Variants in VPS9D1 observed in about 807,000 individuals in gnomAD.
The protein encoded by VPS9D1 is VPS9 domain containing 1.
VPS9D1 carries 78 observed loss-of-function variants against 75.8 expected under a neutral mutation model. The ratio of observed to expected loss-of-function variants is 1.03; its 90% CI spans 0.86 to 1.24. The LOEUF (loss-of-function observed/expected upper bound fraction) is 1.24, where lower values mean the gene tolerates loss of function less well. Among genes scored for constraint, VPS9D1 ranks in the 50% most tolerant of loss-of-function variants. The pLI is 0.00. For synonymous variants in VPS9D1, 481 were observed against 385.6 expected (o/e 1.25, Z -2.90); for missense variants, 1,057 against 847.7 (o/e 1.25, Z -3.07).
chr16:89,709,037 A>G (rs1242304268), intron 12 of VPS9D1, 81 bp from the exon 13 acceptor site: 2 of 461,936 alleles, frequency 4.3e-6, no homozygotes, highest in African/African-American at 5.9e-5. Flanking sequence ...CCACCCACCC[A>G]CCTCCTGATG....
chr16:89,717,631 C>T (rs751531573), intron 2 of VPS9D1: 30 of 456,396 alleles, frequency 6.6e-5, no homozygotes, highest in Non-Finnish European at 1.0e-4. Context: ...ATTTAGCCCC[C>T]GACTCCCCCC....
chr16:89,709,780 T>C lies in VPS9D1; in HGVS notation c.1385A>G (p.Tyr462Cys). Reference sequence around the variant, plus strand: ...GGTTGTACAGCTGGGTCCATACCTGTACAGGGCCAGCAGCAGAGGCCACAG... The same window carrying C: ...GGTTGTACAGCTGGGTCCATACCTGCACAGGGCCAGCAGCAGAGGCCACAG... ...SPLWPLLLAL[Y>C]RSVHRAREAA... The change falls in exon 11 of 15, where the codon TAC becomes TGC. Residue 462 changes from tyrosine to cysteine, a missense_variant. Coordinates refer to ENST00000389386, the MANE Select transcript of VPS9D1 (RefSeq NM_004913.3). 2 of 1,613,576 alleles carry C rather than the reference T, an allele frequency of 1.2e-6. No individual in the cohort carries two copies. Among genetic ancestry groups the C allele is most frequent in the South Asian group, 1.1e-5 (1 of 91,088 alleles).
chr16:89,715,145 T>C (rs568453476), intron 4 of VPS9D1, among the ~76,000 whole-genome samples: 16 of 152,234 alleles, frequency 1.1e-4, no homozygotes, highest in Non-Finnish European at 2.1e-4. Flanking sequence ...GCTCTGCTGT[T>C]ATAAACTTGT....
At chr16:89,719,677 A>T (rs2061192094) in intron 1 of VPS9D1, among the ~76,000 whole-genome samples, 1 of 152,056 alleles carries the variant, frequency 6.6e-6, no homozygotes, top group South Asian at 2.1e-4. Flanking sequence ...AGGCTGTGTG[A>T]CCCCTCTGAC....
rs145163270 is a variant in VPS9D1, at chr16:89,713,554, G to A, written c.432-838C>T. ...CAGGCGTGAGCTACCGCGCCCGGCC[G>A]GACTTTTGGTTTTTCAAGAGAAGCT... is the stretch of plus-strand genomic sequence containing the variant. On this transcript the variant is annotated intron_variant, in intron 4 of 14. Transcript: ENST00000389386. Among the ~76,000 whole-genome samples the A allele has an allele frequency of 2.2e-3, 336 of 151,898 alleles. 1 individual carries two copies. The highest frequency in any genetic ancestry group is 7.4e-3 in the African/African-American group (308 of 41,482).
intron 9 of VPS9D1, 27 bp downstream of exon 9, chr16:89,711,300 C>G: frequency 6.3e-7 from 1 of 1,588,848 alleles, no homozygotes; most frequent in Non-Finnish European, 8.6e-7. Context: ...TGCGCAGGGG[C>G]TCTGTGGGGC....
rs1184121111 is a variant in VPS9D1, at chr16:89,707,566, G to A, written c.*295C>T. 2 of 345,164 alleles carry A rather than the reference G, an allele frequency of 5.8e-6. No homozygotes were observed. Among genetic ancestry groups the A allele is most frequent in the Non-Finnish European group, 1.1e-5 (2 of 186,344 alleles). 21.4% of individuals were successfully genotyped at this position (345,164 alleles called of 1,614,324 possible). On this transcript the variant is annotated 3_prime_UTR_variant, in exon 15 of 15. Coordinates refer to ENST00000389386, the MANE Select transcript of VPS9D1 (RefSeq NM_004913.3). ...GAGCCTGCACCCACCGAAGCCCAAAGCTTCCCTTCTTGGCCTCTCTGAGGC... is the reference window on the plus strand; with the variant it reads ...GAGCCTGCACCCACCGAAGCCCAAAACTTCCCTTCTTGGCCTCTCTGAGGC...
Position 89,719,108 on chromosome 16 carries a change from T to A in VPS9D1, c.100-6A>T, listed in dbSNP as rs757898829. On this transcript the variant is annotated splice_region_variant and splice_polypyrimidine_tract_variant and intron_variant, in intron 1 of 14. Coordinates refer to ENST00000389386, the MANE Select transcript of VPS9D1 (RefSeq NM_004913.3). ...AGGTATTCCGTGTATGCCTCCTGTG[T>A]CCAGGAAAGAGAAAGAGTGGGGTCA... The A allele has an allele frequency of 1.2e-6, 2 of 1,613,314 alleles. No homozygotes were observed. Among genetic ancestry groups the A allele is most frequent in the Non-Finnish European group, 8.5e-7 (1 of 1,179,664 alleles).
chr16:89,717,503 C>T (rs1022586811), intron 2 of VPS9D1: 2 of 453,152 alleles, frequency 4.4e-6, no homozygotes, highest in Non-Finnish European at 8.9e-6. Flanking sequence ...TTCTGCGCGC[C>T]GTGGGAGCTG....
chr16:89,710,800 G>C lies in VPS9D1; in HGVS notation c.1044C>G (p.Asp348Glu), dbSNP rs762893993. The change falls in exon 10 of 15, where the codon GAC (aspartate) becomes GAG (glutamate). Residue 348 changes from aspartate (D) to glutamate (E), a missense_variant. By Grantham distance (45) the Asp-to-Glu change is conservative. Coordinates refer to ENST00000389386, the MANE Select transcript of VPS9D1 (RefSeq NM_004913.3). ...GTTGGAGTGGGGGCGTGGGGGGACT[G>C]TCCTGGGGCCGCGGGGCTGCGCTGG... is the stretch of plus-strand genomic sequence containing the variant. Reference protein sequence around the residue: ...PEPSAAPRPQDSPPTPPLQPG... With the variant: ...PEPSAAPRPQESPPTPPLQPG... The C allele has an allele frequency of 2.1e-5, 33 of 1,545,504 alleles. No individual in the cohort carries two copies. The highest frequency in any genetic ancestry group is 2.8e-5 in the Non-Finnish European group (32 of 1,143,170).
At chr16:89,713,878 T>C (rs780244653) in intron 4 of VPS9D1, among the ~76,000 whole-genome samples, 2 of 151,984 alleles carry the variant, frequency 1.3e-5, no homozygotes, top group Non-Finnish European at 2.9e-5. Context: ...TGTGGTGGCA[T>C]GTGCCTGTGC....
rs1432038509 is a variant in VPS9D1 at position 89,710,681 on chromosome 16, C to A, written c.1163G>T (p.Gly388Val). 1 of 1,611,494 alleles carries A rather than the reference C, an allele frequency of 6.2e-7. No individual in the cohort carries two copies. Among genetic ancestry groups the A allele is most frequent in the Non-Finnish European group, 8.5e-7 (1 of 1,179,468 alleles). ...SSFEDLEQFL[G>V]TSERQGRGRG... ...GCCCCGGCCCTGCCGCTCAGACGTC[C>A]CCAGGAACTGCTCCAGGTCCTCGAA... is the stretch of plus-strand genomic sequence containing the variant. The change falls in exon 10 of 15, where the codon GGG (glycine) becomes GTG (valine). Residue 388 changes from glycine (G) to valine (V), a missense_variant. Coordinates refer to ENST00000389386, the MANE Select transcript of VPS9D1 (RefSeq NM_004913.3).
intron 10 of VPS9D1, among the ~76,000 whole-genome samples, chr16:89,710,259 C>T (rs962880817): frequency 3.9e-5 from 6 of 152,190 alleles, no homozygotes; most frequent in Admixed American, 1.3e-4. Context: ...GTGAGAATGA[C>T]GCCTGGACTG....
chr16:89,708,414 C>T lies in VPS9D1; in HGVS notation c.1802+13G>A, dbSNP rs1489598935. ...TCGCACAGAGACCCCCACCCTGACC[C>T]GCCAGGGTCTACCCCTCGTGGATGA... is the stretch of plus-strand genomic sequence containing the variant. On this transcript the variant is annotated intron_variant, in intron 14 of 14. Coordinates refer to ENST00000389386, the MANE Select transcript of VPS9D1 (RefSeq NM_004913.3). The T allele has an allele frequency of 1.8e-5, 29 of 1,605,752 alleles. No individual in the cohort carries two copies. The highest frequency in any genetic ancestry group is 2.2e-5 in the Non-Finnish European group (26 of 1,176,622).
Position 89,716,630 on chromosome 16 carries a change from A to G in VPS9D1, c.269-6T>C. On this transcript the variant is annotated splice_polypyrimidine_tract_variant and splice_region_variant and intron_variant, in intron 3 of 14. Transcript: ENST00000389386. ...TGGCTTCAGGCGTGTTTTCCCTGCA[A>G]GCCATGGGTAACCAGGGGTCAAGCG... is the stretch of plus-strand genomic sequence containing the variant. 6.2e-7 allele frequency: 1 copy of G among 1,612,062 alleles called. No individual in the cohort carries two copies. Among genetic ancestry groups the G allele is most frequent in the South Asian group, 1.1e-5 (1 of 91,054 alleles).
In VPS9D1 at chr16:89,707,717, C is replaced by T; in HGVS notation, c.*144G>A. The T allele has an allele frequency of 2.9e-6, 2 of 698,058 alleles. No individual in the cohort carries two copies. The highest frequency in any genetic ancestry group is 2.6e-5 in the Admixed American group (1 of 38,826). The allele number at this position is 698,058 out of a possible 1,614,324, so 43.2% of individuals were successfully genotyped here. On this transcript the variant is annotated 3_prime_UTR_variant, in exon 15 of 15. Transcript: ENST00000389386. Reference sequence around the variant, plus strand: ...GAGGAAGGTGAAGAGCTGGAGAGCACACCACAGTGGACAAGCCCCCACCAT... The same window carrying T: ...GAGGAAGGTGAAGAGCTGGAGAGCATACCACAGTGGACAAGCCCCCACCAT...
At position 89,719,036 on chromosome 16, in the gene VPS9D1, T is replaced by A. The variant is rs1269907736; in HGVS notation, c.166A>T (p.Thr56Ser). The change falls in exon 2 of 15, where the codon ACC (threonine) becomes TCC (serine). Residue 56 changes from threonine to serine, a missense_variant. Coordinates refer to ENST00000389386, the MANE Select transcript of VPS9D1 (RefSeq NM_004913.3). ...GCTGGCTGAGCCGTACCTTTAGTGG[T>A]TTCCACTTCTTCTAGTAACACCTGG... is the stretch of plus-strand genomic sequence containing the variant. ...ISQVLLEEVE[T>S]TKEAGETVPP... The A allele has an allele frequency of 1.2e-6, 2 of 1,613,158 alleles. No homozygotes were observed. Among genetic ancestry groups the A allele is most frequent in the Non-Finnish European group, 1.7e-6 (2 of 1,179,800 alleles).
chr16:89,712,153 C>A, intron 6 of VPS9D1, 54 bp from the exon 7 acceptor site: 1 of 1,546,186 alleles, frequency 6.5e-7, no homozygotes, highest in Non-Finnish European at 8.7e-7. Flanking sequence ...CCTCGGTTCC[C>A]AACCCCGTCC....
At position 89,710,991 on chromosome 16, in the gene VPS9D1, CGATCGGGTGGTCGGG is replaced by C; in HGVS notation, c.838_852del (p.Pro280_Ile284del). On this transcript the variant is annotated inframe_deletion, in exon 10 of 15. Transcript: ENST00000389386. ...CACTGCAGCCGCCTCAGGAGCTGCGCGATCGGGTGGTCGGGGAGGCTGCGGGAGAAGAGGACGTGA... is the reference window on the plus strand; with the variant it reads ...CACTGCAGCCGCCTCAGGAGCTGCGCGAGGCTGCGGGAGAAGAGGACGTGA... 6.9e-7 allele frequency: 1 copy of C among 1,439,528 alleles called. No homozygotes were observed. The highest frequency in any genetic ancestry group is 1.4e-5 in the African/African-American group (1 of 69,686). 89.2% of individuals were successfully genotyped at this position (1,439,528 alleles called of 1,614,324 possible).
Sources: gnomAD v4.1 joint callset for allele counts (sites outside exome capture counted in the v4.1 genomes callset) on GRCh38, gnomAD v4.1.1 for gene constraint, MANE v1.5 for transcripts, NCBI Gene and HGNC (gene_info 2026-07-23, HGNC 2026-07-21) for gene names.